TGM6: variants seen among roughly 807,000 people sequenced by gnomAD.
TGM6 encodes the protein protein-glutamine gamma-glutamyltransferase 6.
TGM6 carries 74 observed loss-of-function variants against 77.5 expected under a neutral mutation model. That is an observed-to-expected ratio of 0.96 (90% CI 0.79 to 1.16). TGM6 has a LOEUF of 1.16. Ranked by LOEUF, TGM6 falls within the 50% of genes most tolerant of loss-of-function variation. TGM6 has a pLI of 0.00. For synonymous variants in TGM6, 383 were observed against 378.9 expected, an observed-to-expected ratio of 1.01 and a Z score of -0.12; for missense variants, 968 against 940.2, an observed-to-expected ratio of 1.03 and a Z score of -0.39.
At chr20:2,422,184 T>C (rs1313900976) in intron 10 of TGM6, among the ~76,000 whole-genome samples, 1 of 152,220 alleles carries the variant, frequency 6.6e-6, no homozygotes, top group Non-Finnish European at 1.5e-5. Context: ...TTCTCCCATG[T>C]TATCTTTAAG....
At chr20:2,406,072 C>A (rs913327063) in intron 9 of TGM6, among the ~76,000 whole-genome samples, 1 of 152,130 alleles carries the variant, frequency 6.6e-6, no homozygotes, top group African/African-American at 2.4e-5. Context: ...CTACTCACAC[C>A]CCCAACTCAC....
intron 1 of TGM6, among the ~76,000 whole-genome samples, chr20:2,393,499 G>A (rs1459036227): frequency 6.6e-6 from 1 of 152,176 alleles, no homozygotes; most frequent in African/African-American, 2.4e-5. Context: ...CTGGCCACAA[G>A]TTCAATATTA....
At chr20:2,398,411 C>T (rs2084683722) in intron 5 of TGM6, among the ~76,000 whole-genome samples, 1 of 152,122 alleles carries the variant, frequency 6.6e-6, no homozygotes, top group Non-Finnish European at 1.5e-5. Context: ...CTGGAATGTC[C>T]AGGATGGCTT....
intron 10 of TGM6, among the ~76,000 whole-genome samples, chr20:2,421,156 T>G (rs959536138): frequency 6.6e-6 from 1 of 152,098 alleles, no homozygotes; most frequent in Non-Finnish European, 1.5e-5. Flanking sequence ...CTAGTTAATT[T>G]TTGTATTTTT....
Position 2,403,440 on chromosome 20 carries a change from C to T in TGM6, c.1033C>T (p.Leu345=). The T allele has an allele frequency of 6.2e-7, 1 of 1,614,146 alleles. No homozygotes were observed. Among genetic ancestry groups the T allele is most frequent in the Non-Finnish European group, 8.5e-7 (1 of 1,180,036 alleles). Reference sequence around the variant, plus strand: ...TGAGAGCTGGTTTGCCCGGCAGGACCTAGGCCCCTCTTACAATGGCTGGCA... The same window carrying T: ...TGAGAGCTGGTTTGCCCGGCAGGACTTAGGCCCCTCTTACAATGGCTGGCA... ...WNESWFARQD[L]GPSYNGWQVL... Residue 345 remains leucine, a synonymous_variant, in exon 8 of 13, where the codon CTA becomes TTA. Coordinates refer to ENST00000202625, the MANE Select transcript of TGM6 (RefSeq NM_198994.3).
At position 2,396,561 on chromosome 20, in the gene TGM6, C is replaced by A; in HGVS notation, c.480C>A (p.Asp160Glu). 1 of 1,614,220 alleles carries A rather than the reference C, an allele frequency of 6.2e-7. No homozygotes were observed. Among genetic ancestry groups the A allele is most frequent in the South Asian group, 1.1e-5 (1 of 91,088 alleles). The change falls in exon 4 of 13, where the codon GAC becomes GAA. Residue 160 changes from aspartate to glutamate, a missense_variant. Physicochemically the swap from Asp to Glu is conservative, Grantham distance 45 (BLOSUM62 2). Transcript: ENST00000202625. ...AGAGACAGGAGTACGTGCTCAGCGA[C>A]AGCGGCATCATCTTCCGAGGCGTGG... ...EEERQEYVLS[D>E]SGIIFRGVEK...
At chr20:2,407,456 TA>T (rs1255494838) in intron 9 of TGM6, among the ~76,000 whole-genome samples, 1 of 152,066 alleles carries the variant, frequency 6.6e-6, no homozygotes, top group Non-Finnish European at 1.5e-5. Flanking sequence ...CCATTTCTAC[TA>T]AAAATACAAA....
chr20:2,389,371 C>T (rs967882872), intron 1 of TGM6, among the ~76,000 whole-genome samples: 1 of 152,128 alleles, frequency 6.6e-6, no homozygotes, highest in African/African-American at 2.4e-5. Context: ...GATTGCAACC[C>T]CATAAGAAAC....
chr20:2,399,532 G>A (rs1378173801), intron 5 of TGM6, 29 bp from the exon 6 acceptor site: 2 of 1,612,176 alleles, frequency 1.2e-6, no homozygotes, highest in South Asian at 1.1e-5. Context: ...GCCCTGCCTG[G>A]TTGTGGACCC....
At chr20:2,408,142 T>G (rs2084763920) in intron 9 of TGM6, among the ~76,000 whole-genome samples, 1 of 152,094 alleles carries the variant, frequency 6.6e-6, no homozygotes, top group African/African-American at 2.4e-5. Context: ...GCAATATTGC[T>G]CAGGCAAGCC....
chr20:2,422,574 T>G (rs1259358087), intron 10 of TGM6, among the ~76,000 whole-genome samples: 1 of 152,186 alleles, frequency 6.6e-6, no homozygotes, highest in East Asian at 1.9e-4. Flanking sequence ...AAGCGTGCAA[T>G]AGCATTATTT....
intron 10 of TGM6, among the ~76,000 whole-genome samples, chr20:2,429,351 A>C (rs936772732): frequency 3.3e-5 from 5 of 152,118 alleles, no homozygotes; most frequent in African/African-American, 4.8e-5. Context: ...CTTCAGAGTC[A>C]GAAAGAAAAC....
At chr20:2,415,689 G>C (rs1234580537) in intron 9 of TGM6, among the ~76,000 whole-genome samples, 1 of 152,098 alleles carries the variant, frequency 6.6e-6, no homozygotes, top group African/African-American at 2.4e-5. Flanking sequence ...GGTGAGAGAA[G>C]AGTCAAGAAC....
chr20:2,409,198 T>C (rs1463865612), intron 9 of TGM6, among the ~76,000 whole-genome samples: 1 of 152,156 alleles, frequency 6.6e-6, no homozygotes, highest in African/African-American at 2.4e-5. Context: ...ATTTATAATA[T>C]GTGAAAATTA....
intron 9 of TGM6, among the ~76,000 whole-genome samples, chr20:2,409,019 A>G (rs1176010314): frequency 6.6e-6 from 1 of 152,186 alleles, no homozygotes; most frequent in Non-Finnish European, 1.5e-5. Flanking sequence ...TATAGCAGCA[A>G]CATATACACA....
In TGM6 at chr20:2,391,012, T is replaced by A. The variant is rs75791776; in HGVS notation, c.8-3440T>A. ...TCAATCTTGAAGGGCTTGTGGGTCATTGTCGGGACTTCAACTCTGCTGAGA... is the reference window on the plus strand; with the variant it reads ...TCAATCTTGAAGGGCTTGTGGGTCAATGTCGGGACTTCAACTCTGCTGAGA... On this transcript the variant is annotated intron_variant, in intron 1 of 12. Transcript: ENST00000202625. Among the ~76,000 whole-genome samples the A allele has an allele frequency of 9.5e-3, 1,446 of 152,126 alleles. 29 individuals carry two copies. The highest frequency in any genetic ancestry group is 0.032 in the African/African-American group (1,319 of 41,456).
chr20:2,391,945 G>A (rs1266222169), intron 1 of TGM6, among the ~76,000 whole-genome samples: 1 of 152,166 alleles, frequency 6.6e-6, no homozygotes, highest in Admixed American at 6.5e-5. Flanking sequence ...TAGCGCCATA[G>A]CTGCTGGCTA....
chr20:2,398,811 A>C (rs908367464), intron 5 of TGM6, among the ~76,000 whole-genome samples: 1 of 151,984 alleles, frequency 6.6e-6, no homozygotes, highest in African/African-American at 2.4e-5. Context: ...TTCCTCCCAA[A>C]AGGTGTCTGC....
At chr20:2,399,411 G>C in intron 5 of TGM6, 150 bp from the exon 6 acceptor site, 1 of 962,980 alleles carries the variant, frequency 1.0e-6, no homozygotes, top group Non-Finnish European at 1.7e-6. Flanking sequence ...GTATTTTAAG[G>C]CAACAGATGC....
Sources: gnomAD v4.1 joint callset for allele counts (sites outside exome capture counted in the v4.1 genomes callset) on GRCh38, gnomAD v4.1.1 for gene constraint, MANE v1.5 for transcripts, NCBI Gene and HGNC (gene_info 2026-07-23, HGNC 2026-07-21) for gene names.